MDGA2: variants seen among roughly 807,000 people sequenced by gnomAD.
The protein encoded by MDGA2 is MAM domain-containing glycosylphosphatidylinositol anchor protein 2.
In MDGA2, 40 loss-of-function variants were observed where a neutral mutation model predicts 117.8. The observed-to-expected ratio is 0.34, with a 90% CI of 0.26 to 0.44. The LOEUF is 0.44. Ranked by LOEUF, MDGA2 falls within the 20% of genes least tolerant of loss-of-function variation. The pLI, the probability that MDGA2 is intolerant of heterozygous loss-of-function variation, is 1.00. For synonymous variants in MDGA2, 452 were observed against 439.0 expected, an observed-to-expected ratio of 1.03 and a Z score of -0.37; for missense variants, 1,123 against 1,250.6, an observed-to-expected ratio of 0.90 and a Z score of 1.54.
intron 5 of MDGA2, among the ~76,000 whole-genome samples, chr14:47,120,784 G>T (rs998618890): frequency 6.6e-6 from 1 of 152,080 alleles, no homozygotes; most frequent in Admixed American, 6.6e-5. Flanking sequence ...TCTCCTGTTA[G>T]TCCTTATAAC....
At chr14:47,292,219 A>G (rs1246423394) in intron 2 of MDGA2, among the ~76,000 whole-genome samples, 2 of 152,198 alleles carry the variant, frequency 1.3e-5, no homozygotes, top group Non-Finnish European at 1.5e-5. Context: ...ACGGTAGCAT[A>G]TAGCCTCTGA....
chr14:47,535,196 A>G (rs945214579), intron 1 of MDGA2, among the ~76,000 whole-genome samples: 4 of 152,200 alleles, frequency 2.6e-5, no homozygotes, highest in African/African-American at 9.7e-5. Context: ...TATATCACTT[A>G]CACAATTTCT....
chr14:47,087,891 C>T (rs1253166085), intron 6 of MDGA2, among the ~76,000 whole-genome samples: 3 of 150,920 alleles, frequency 2.0e-5, no homozygotes, highest in African/African-American at 7.3e-5. Flanking sequence ...TCCCTCTTTT[C>T]TGGACACTAA....
chr14:47,022,559 G>A (rs911776061), intron 8 of MDGA2, among the ~76,000 whole-genome samples: 14 of 152,036 alleles, frequency 9.2e-5, no homozygotes, highest in African/African-American at 1.7e-4. Context: ...AAATGTCTCC[G>A]TATATTAGGA....
intron 2 of MDGA2, among the ~76,000 whole-genome samples, chr14:47,256,593 G>A (rs1456474755): frequency 6.6e-6 from 1 of 152,100 alleles, no homozygotes; most frequent in African/African-American, 2.4e-5. Flanking sequence ...TAAACAAAAT[G>A]TCATTTCTCT....
intron 1 of MDGA2, among the ~76,000 whole-genome samples, chr14:47,393,093 A>AAATAATAATAAT (rs10601470): frequency 1.4e-5 from 2 of 147,378 alleles, no homozygotes; most frequent in African/African-American, 5.0e-5. Flanking sequence ...CAGATAATTA[A>AAATAATAATAAT]AATAATAATA....
chr14:47,583,180 G>A (rs970674034), intron 1 of MDGA2, among the ~76,000 whole-genome samples: 1 of 151,872 alleles, frequency 6.6e-6, no homozygotes, highest in Non-Finnish European at 1.5e-5. Flanking sequence ...CAGACAATGT[G>A]CAAGTAAATA....
chr14:46,915,059 AT>A (rs2138494442), intron 10 of MDGA2, among the ~76,000 whole-genome samples: 4 of 152,250 alleles, frequency 2.6e-5, no homozygotes, highest in African/African-American at 9.6e-5. Flanking sequence ...TATTTAAACC[AT>A]CCAAGTTATG....
chr14:47,100,095 T>C (rs1204645980), intron 5 of MDGA2, among the ~76,000 whole-genome samples: 1 of 152,054 alleles, frequency 6.6e-6, no homozygotes, highest in Admixed American at 6.6e-5. Context: ...CTATACCATA[T>C]ATATAAAACA....
intron 8 of MDGA2, among the ~76,000 whole-genome samples, chr14:47,020,304 T>C (rs1454792920): frequency 2.6e-5 from 4 of 152,190 alleles, no homozygotes; most frequent in African/African-American, 9.6e-5. Context: ...TCTTAGTAAA[T>C]ACTAGAATAC....
At chr14:46,945,875 T>C (rs1481343029) in intron 9 of MDGA2, among the ~76,000 whole-genome samples, 2 of 152,060 alleles carry the variant, frequency 1.3e-5, no homozygotes, top group Non-Finnish European at 2.9e-5. Context: ...ATTAGTATTT[T>C]CCAGATAACT....
At chr14:47,273,449 C>T (rs536167447) in intron 2 of MDGA2, among the ~76,000 whole-genome samples, 56 of 152,026 alleles carry the variant, frequency 3.7e-4, no homozygotes, top group African/African-American at 1.0e-3. Context: ...GGTGCTTTAA[C>T]GAAAGATAAA....
intron 9 of MDGA2, among the ~76,000 whole-genome samples, chr14:46,929,601 GTA>G (rs756528353): frequency 4.3e-3 from 55 of 12,668 alleles, no homozygotes; most frequent in East Asian, 0.013. Flanking sequence ...GTGTGTGTGT[GTA>G]TATATATATA....
chr14:47,286,036 G>A (rs1888659204), intron 2 of MDGA2, among the ~76,000 whole-genome samples: 1 of 151,780 alleles, frequency 6.6e-6, no homozygotes, highest in Non-Finnish European at 1.5e-5. Context: ...GTGTCTGTGT[G>A]TGTGTGTGTG....
At chr14:47,286,824 T>TATAC (rs1491236673) in intron 2 of MDGA2, among the ~76,000 whole-genome samples, 29 of 104,210 alleles carry the variant, frequency 2.8e-4, no homozygotes, top group Non-Finnish European at 4.8e-4. Context: ...TATATATATA[T>TATAC]ACATATATAT....
chr14:47,641,425 C>T (rs1339106678), intron 1 of MDGA2, among the ~76,000 whole-genome samples: 2 of 151,920 alleles, frequency 1.3e-5, no homozygotes, highest in African/African-American at 4.8e-5. Flanking sequence ...TTACATGAGT[C>T]CAGGTCCAAA....
chr14:47,227,995 A>T (rs1009372603), intron 2 of MDGA2, among the ~76,000 whole-genome samples: 4 of 152,118 alleles, frequency 2.6e-5, no homozygotes, highest in Non-Finnish European at 4.4e-5. Flanking sequence ...CGCCAACATA[A>T]CACATCCAAA....
chr14:47,209,232 CT>C (rs1885796940), intron 3 of MDGA2, among the ~76,000 whole-genome samples: 1 of 151,980 alleles, frequency 6.6e-6, no homozygotes, highest in Admixed American at 6.6e-5. Flanking sequence ...GGGCAAAAGC[CT>C]TGTATTTTTG....
At chr14:47,221,982 A>G (rs1421729128) in intron 2 of MDGA2, among the ~76,000 whole-genome samples, 2 of 151,944 alleles carry the variant, frequency 1.3e-5, no homozygotes, top group Non-Finnish European at 2.9e-5. Context: ...CTCTTTTATT[A>G]ATTTTGAAAC....
Sources: gnomAD v4.1 joint callset for allele counts (sites outside exome capture counted in the v4.1 genomes callset) on GRCh38, gnomAD v4.1.1 for gene constraint, MANE v1.5 for transcripts, NCBI Gene and HGNC (gene_info 2026-07-23, HGNC 2026-07-21) for gene names.